The following CSMD1 variants were observed in gnomAD, a reference collection of about 807,000 sequenced individuals.
CSMD1 encodes the protein CUB and Sushi multiple domains 1.
CSMD1 carries 213 observed loss-of-function variants against 417.5 expected under a neutral mutation model. The ratio of observed to expected loss-of-function variants is 0.51; its 90% CI spans 0.46 to 0.57. The LOEUF is 0.57. Among genes scored for constraint, CSMD1 ranks in the 20% least tolerant of loss-of-function variants. The pLI is 0.00. For synonymous variants in CSMD1, 2,862 were observed against 1,736.8 expected, an observed-to-expected ratio of 1.65 and a Z score of -16.11; for missense variants, 6,923 against 4,529.7, an observed-to-expected ratio of 1.53 and a Z score of -15.17.
chr8:4,193,590 G>C (rs1319759860), intron 3 of CSMD1, among the ~76,000 whole-genome samples: 2 of 152,106 alleles, frequency 1.3e-5, no homozygotes, highest in African/African-American at 4.8e-5. Flanking sequence ...CAGAGGATGA[G>C]GGTCCCACCG....
chr8:4,208,696 G>A lies in CSMD1; in HGVS notation c.416-176597C>T, dbSNP rs563835936. The stretch of plus-strand genomic sequence containing the variant: ...AAAACATCATGATGAGTCAAGAAAT[G>A]ATTAAAAATATAGCAGAATTAAGGC... On this transcript the variant is annotated intron_variant, in intron 3 of 69. Coordinates refer to ENST00000635120, the MANE Select transcript of CSMD1 (RefSeq NM_033225.6). Among the ~76,000 whole-genome samples the A allele has an allele frequency of 6.6e-5, 10 of 152,242 alleles. No individual in the cohort carries two copies. The South Asian group carries it at 2.1e-3, about 32-fold the overall frequency.
At chr8:3,941,501 G>A (rs1286517890) in intron 5 of CSMD1, among the ~76,000 whole-genome samples, 1 of 152,112 alleles carries the variant, frequency 6.6e-6, no homozygotes, top group African/African-American at 2.4e-5. Flanking sequence ...TGAATAAAAG[G>A]AGCTTTGATT....
chr8:3,850,620 G>T (rs556638104), intron 5 of CSMD1, among the ~76,000 whole-genome samples: 5 of 152,106 alleles, frequency 3.3e-5, no homozygotes, highest in Non-Finnish European at 5.9e-5. Context: ...ACTTGAACCT[G>T]GGGGGCGGAG....
At chr8:3,720,824 T>G (rs1802120078) in intron 6 of CSMD1, among the ~76,000 whole-genome samples, 1 of 134,838 alleles carries the variant, frequency 7.4e-6, no homozygotes, top group Non-Finnish European at 1.5e-5. Flanking sequence ...CGTTTGAGAC[T>G]TTTTTTTTCG....
intron 2 of CSMD1, among the ~76,000 whole-genome samples, chr8:4,582,835 C>A (rs1042551361): frequency 1.3e-5 from 2 of 152,166 alleles, no homozygotes; most frequent in African/African-American, 4.8e-5. Context: ...GAGGGAGAGG[C>A]GCGAGTGGGA....
chr8:3,751,902 G>T (rs1363721869), intron 6 of CSMD1, among the ~76,000 whole-genome samples: 1 of 152,152 alleles, frequency 6.6e-6, no homozygotes, highest in Non-Finnish European at 1.5e-5. Context: ...AGACAAATCT[G>T]TTAATCAACC....
At chr8:3,040,526 C>T (rs1289711433) in intron 50 of CSMD1, among the ~76,000 whole-genome samples, 3 of 151,096 alleles carry the variant, frequency 2.0e-5, no homozygotes, top group Non-Finnish European at 4.4e-5. Flanking sequence ...CAAATTGGGC[C>T]GGGCACGGTG....
intron 12 of CSMD1, among the ~76,000 whole-genome samples, chr8:3,453,449 A>G (rs1815886405): frequency 6.6e-6 from 1 of 152,038 alleles, no homozygotes; most frequent in African/African-American, 2.4e-5. Flanking sequence ...GTGGGCATTT[A>G]GTGCTATAAA....
intron 2 of CSMD1, among the ~76,000 whole-genome samples, chr8:4,458,859 C>G (rs928316975): frequency 1.3e-5 from 2 of 152,146 alleles, no homozygotes; most frequent in Non-Finnish European, 2.9e-5. Context: ...AAGCGTAGCA[C>G]TGAATACTCA....
chr8:4,390,032 T>C lies in CSMD1; in HGVS notation c.415+29921A>G, dbSNP rs113986963. 8.6e-4 allele frequency among the ~76,000 whole-genome samples: 131 copies of C among 152,350 alleles called. 2 individuals are homozygous for C. Among genetic ancestry groups the C allele is most frequent in the African/African-American group, 2.6e-3 (110 of 41,588 alleles). On this transcript the variant is annotated intron_variant, in intron 3 of 69. Coordinates refer to ENST00000635120, the MANE Select transcript of CSMD1 (RefSeq NM_033225.6). ...ATATTACCAATTTGCTTTTCACAAA[T>C]TGCTATACTAATTTACATTTTCTAG...
intron 26 of CSMD1, among the ~76,000 whole-genome samples, chr8:3,280,405 C>A (rs1297890648): frequency 1.3e-5 from 2 of 152,152 alleles, no homozygotes; most frequent in Admixed American, 6.6e-5. Context: ...GTAGTCTAGA[C>A]TATGCTTTTT....
intron 40 of CSMD1, among the ~76,000 whole-genome samples, chr8:3,146,459 G>A (rs1277294927): frequency 2.6e-5 from 4 of 152,048 alleles, no homozygotes; most frequent in East Asian, 3.9e-4. Flanking sequence ...CTTCAAAATA[G>A]CCCTATGGGA....
chr8:4,386,494 T>C (rs1430446), intron 3 of CSMD1, among the ~76,000 whole-genome samples: 58,512 of 152,126 alleles, frequency 0.38, 11,810 homozygotes, highest in Non-Finnish European at 0.46. Context: ...CAGTCTCCAA[T>C]AGAGAATCTC....
At chr8:4,152,640 C>G (rs770229872) in intron 3 of CSMD1, among the ~76,000 whole-genome samples, 2 of 151,834 alleles carry the variant, frequency 1.3e-5, no homozygotes, top group Non-Finnish European at 2.9e-5. Context: ...CAATGAGTCA[C>G]GATTGTGCCA....
At chr8:3,585,957 C>A (rs1414818541) in intron 9 of CSMD1, among the ~76,000 whole-genome samples, 179 bp downstream of exon 9, 7 of 152,074 alleles carry the variant, frequency 4.6e-5, no homozygotes, top group Non-Finnish European at 2.9e-5. Flanking sequence ...GAAATGTTAG[C>A]CTCTCAGCAA....
Position 3,337,962 on chromosome 8 carries a change from C to G in CSMD1, c.3631+5332G>C, listed in dbSNP as rs558142543. The stretch of plus-strand genomic sequence containing the variant: ...CTCGGCTAGGTTTTCCCTAATGAGC[C>G]TCTTCACCACGTCTGAACAGTAGAC... On this transcript the variant is annotated intron_variant, in intron 23 of 69. Coordinates refer to ENST00000635120, the MANE Select transcript of CSMD1 (RefSeq NM_033225.6). Among the ~76,000 whole-genome samples, 323 of 152,264 alleles carry G rather than the reference C, an allele frequency of 2.1e-3. 3 individuals are homozygous for G. Among genetic ancestry groups the G allele is most frequent in the African/African-American group, 7.4e-3 (307 of 41,554 alleles).
chr8:4,679,848 T>C, intron 1 of CSMD1, among the ~76,000 whole-genome samples: 1 of 152,258 alleles, frequency 6.6e-6, no homozygotes, highest in South Asian at 2.1e-4. Context: ...AGATTAAATA[T>C]GTAAAATATA....
intron 38 of CSMD1, 90 bp downstream of exon 38, chr8:3,162,069 C>T (rs878911942): frequency 1.1e-5 from 9 of 796,594 alleles, no homozygotes; most frequent in South Asian, 1.1e-4. Flanking sequence ...GTGAGGAAAA[C>T]ATGGGTACAA....
intron 2 of CSMD1, among the ~76,000 whole-genome samples, chr8:4,485,879 G>C (rs1384155734): frequency 1.3e-5 from 2 of 151,862 alleles, no homozygotes; most frequent in Non-Finnish European, 2.9e-5. Flanking sequence ...ATTTCACTCT[G>C]ACCAGGGAGT....
Sources: gnomAD v4.1 joint callset for allele counts (sites outside exome capture counted in the v4.1 genomes callset) on GRCh38, gnomAD v4.1.1 for gene constraint, MANE v1.5 for transcripts, NCBI Gene and HGNC (gene_info 2026-07-23, HGNC 2026-07-21) for gene names.